The following SLCO1B1 variants were observed in gnomAD, a reference collection of about 807,000 sequenced individuals.
The protein encoded by SLCO1B1 is OATP-2.
SLCO1B1 carries 81 observed loss-of-function variants against 70.1 expected under a neutral mutation model. The observed-to-expected ratio is 1.16, with a 90% CI of 0.97 to 1.39. The LOEUF (loss-of-function observed/expected upper bound fraction) is 1.39. SLCO1B1 is among the 40% of genes most tolerant of loss of function. SLCO1B1 has a pLI of 0.00. For synonymous variants in SLCO1B1, 283 were observed against 271.5 expected (o/e 1.04, Z -0.42); for missense variants, 895 against 799.6 (o/e 1.12, Z -1.44).
intron 8 of SLCO1B1, among the ~76,000 whole-genome samples, chr12:21,198,967 A>G (rs1941126457): frequency 1.3e-5 from 2 of 152,134 alleles, no homozygotes; most frequent in Admixed American, 1.3e-4. Flanking sequence ...CTCACTTATA[A>G]TACTTACAAA....
intron 11 of SLCO1B1, among the ~76,000 whole-genome samples, chr12:21,213,931 CT>C (rs1263830855): frequency 6.7e-6 from 1 of 149,586 alleles, no homozygotes; most frequent in Admixed American, 6.7e-5. Context: ...CCTTTAAGCA[CT>C]TCTCTGTATT....
At chr12:21,148,018 G>A (rs1043835769) in intron 2 of SLCO1B1, among the ~76,000 whole-genome samples, 1 of 152,158 alleles carries the variant, frequency 6.6e-6, no homozygotes, top group Non-Finnish European at 1.5e-5. Flanking sequence ...TTTGAGAAGT[G>A]TCTGTTCATA....
At chr12:21,173,141 C>G (rs1940776195) in intron 3 of SLCO1B1, among the ~76,000 whole-genome samples, 2 of 152,282 alleles carry the variant, frequency 1.3e-5, no homozygotes, top group South Asian at 4.1e-4. Context: ...GATGAAGAAA[C>G]TTTGGGAGAG....
At chr12:21,178,076 C>T (rs1940842973) in intron 5 of SLCO1B1, among the ~76,000 whole-genome samples, 1 of 152,048 alleles carries the variant, frequency 6.6e-6, no homozygotes, top group Admixed American at 6.6e-5. Context: ...TATGATATGG[C>T]TTGACTGTGT....
chr12:21,222,791 C>T (rs954079741), intron 13 of SLCO1B1, among the ~76,000 whole-genome samples: 3 of 151,922 alleles, frequency 2.0e-5, no homozygotes, highest in Admixed American at 6.6e-5. Flanking sequence ...TTAGGCAAGG[C>T]CTAAAGCTAG....
chr12:21,138,259 T>C (rs988512955), intron 1 of SLCO1B1, among the ~76,000 whole-genome samples: 1 of 152,100 alleles, frequency 6.6e-6, no homozygotes, highest in Non-Finnish European at 1.5e-5. Flanking sequence ...CACAGATAAG[T>C]AGAGGCTGAT....
At chr12:21,232,809 C>A (rs1000544273) in intron 14 of SLCO1B1, among the ~76,000 whole-genome samples, 13 of 152,014 alleles carry the variant, frequency 8.6e-5, no homozygotes, top group Non-Finnish European at 1.6e-4. Context: ...ACCCCTTTTG[C>A]CAGCATACCA....
chr12:21,161,331 A>G (rs1313777671), intron 2 of SLCO1B1, among the ~76,000 whole-genome samples: 1 of 152,262 alleles, frequency 6.6e-6, no homozygotes, highest in Non-Finnish European at 1.5e-5. Flanking sequence ...CTATGCAGCC[A>G]TAAAAGAACA....
At chr12:21,137,218 G>A (rs898537561) in intron 1 of SLCO1B1, among the ~76,000 whole-genome samples, 38 of 152,240 alleles carry the variant, frequency 2.5e-4, no homozygotes, top group Middle Eastern at 3.4e-3. Flanking sequence ...GTACCCGACC[G>A]TGTGAGGTGT....
At position 21,204,444 on chromosome 12, in the gene SLCO1B1, A is replaced by T. The variant is rs150188722; in HGVS notation, c.1332-1424A>T. On this transcript the variant is annotated intron_variant, in intron 10 of 14. Coordinates refer to ENST00000256958, the MANE Select transcript of SLCO1B1 (RefSeq NM_006446.5). ...CATGTCAAGAGGTACAACTTAATTT[A>T]ACAAAATCCCTTTGGAACAAGCCCT... Among the ~76,000 whole-genome samples, 1,248 of 151,902 alleles carry T rather than the reference A, an allele frequency of 8.2e-3. 10 individuals are homozygous for T. Among genetic ancestry groups the T allele is most frequent in the African/African-American group, 0.028 (1,168 of 41,478 alleles).
Position 21,239,652 on chromosome 12 carries a change from A to G in SLCO1B1, c.*463A>G, listed in dbSNP as rs4149088. 0.39 allele frequency among the ~76,000 whole-genome samples: 59,970 copies of G among 152,022 alleles called. 12,585 individuals carry two copies. Among genetic ancestry groups the G allele is most frequent in the East Asian group, 0.74 (3,798 of 5,166 alleles). Reference sequence around the variant, plus strand: ...CTAAGGCCTGAAGTCTAGCTTGGATATATGCTACAATAATATCTGTTACTC... The same window carrying G: ...CTAAGGCCTGAAGTCTAGCTTGGATGTATGCTACAATAATATCTGTTACTC... On this transcript the variant is annotated 3_prime_UTR_variant, in exon 15 of 15. Transcript: ENST00000256958.
chr12:21,218,374 G>A (rs532177524), intron 12 of SLCO1B1, among the ~76,000 whole-genome samples: 1 of 152,070 alleles, frequency 6.6e-6, no homozygotes, highest in South Asian at 2.1e-4. Context: ...TAAGTATAGT[G>A]ACCTGGGTTA....
At chr12:21,213,202 C>T (rs2121171060) in intron 11 of SLCO1B1, among the ~76,000 whole-genome samples, 1 of 152,164 alleles carries the variant, frequency 6.6e-6, no homozygotes, top group South Asian at 2.1e-4. Context: ...GTGGCTGGTA[C>T]CAGTTGTTCC....
intron 11 of SLCO1B1, among the ~76,000 whole-genome samples, chr12:21,211,985 A>C (rs1026984362): frequency 1.3e-5 from 2 of 148,198 alleles, no homozygotes; most frequent in African/African-American, 5.0e-5. Flanking sequence ...GCGGTCTATC[A>C]ATTTTGTTGA....
chr12:21,142,177 C>T lies in SLCO1B1; in HGVS notation c.84+519C>T, dbSNP rs115060700. Among the ~76,000 whole-genome samples, 808 of 151,722 alleles carry T rather than the reference C, an allele frequency of 5.3e-3. 10 individuals carry two copies. Among genetic ancestry groups the T allele is most frequent in the African/African-American group, 0.019 (767 of 41,426 alleles). ...AAACTTGGCCAAAAGACCTGTTTGA[C>T]GATTTAGAAAAGCCATTTAATGTTT... On this transcript the variant is annotated intron_variant, in intron 2 of 14. Transcript: ENST00000256958.
At chr12:21,195,293 G>A (rs1471941351) in intron 7 of SLCO1B1, among the ~76,000 whole-genome samples, 5 of 152,158 alleles carry the variant, frequency 3.3e-5, no homozygotes, top group African/African-American at 1.2e-4. Flanking sequence ...GGTCTCATGA[G>A]CACTTTTAGA....
intron 11 of SLCO1B1, among the ~76,000 whole-genome samples, chr12:21,214,717 T>C (rs1332461227): frequency 1.3e-5 from 2 of 152,086 alleles, no homozygotes; most frequent in Non-Finnish European, 2.9e-5. Flanking sequence ...TCAGCGAGAC[T>C]CCATGGGCGT....
intron 2 of SLCO1B1, among the ~76,000 whole-genome samples, chr12:21,162,077 T>A (rs1274222816): frequency 6.6e-6 from 1 of 151,616 alleles, no homozygotes; most frequent in Non-Finnish European, 1.5e-5. Context: ...TAGGAACAAT[T>A]TTTTAAAATC....
intron 12 of SLCO1B1, among the ~76,000 whole-genome samples, chr12:21,219,172 G>A (rs1245003264): frequency 6.6e-6 from 1 of 152,086 alleles, no homozygotes; most frequent in Non-Finnish European, 1.5e-5. Flanking sequence ...TAAGTGTGAA[G>A]CACTAGAAAG....
Sources: allele counts gnomAD v4.1 joint callset (sites outside exome capture counted in the v4.1 genomes callset), GRCh38; gene constraint gnomAD v4.1.1; transcripts MANE v1.5; gene names NCBI Gene and HGNC (gene_info 2026-07-23, HGNC 2026-07-21).